The following FKBP5 variants were observed in gnomAD, a reference collection of about 807,000 sequenced individuals.
FKBP5 encodes the protein FKBP prolyl isomerase 5.
A neutral mutation model predicts 50.5 loss-of-function variants in FKBP5; 23 were observed. The ratio of observed to expected loss-of-function variants is 0.46; its 90% CI spans 0.33 to 0.65. FKBP5 has a LOEUF of 0.65. FKBP5 is among the 30% of genes least tolerant of loss of function. FKBP5 has a pLI of 0.02. For synonymous variants in FKBP5, 176 were observed against 190.6 expected (o/e 0.92, Z 0.63); for missense variants, 411 against 553.1 (o/e 0.74, Z 2.58).
chr6:35,626,921 T>C (rs1030172351), intron 3 of FKBP5, among the ~76,000 whole-genome samples: 4 of 152,252 alleles, frequency 2.6e-5, no homozygotes, highest in Admixed American at 1.3e-4. Flanking sequence ...TTGCTGTTAA[T>C]AATGCTGCTA....
At chr6:35,581,791 G>C in intron 8 of FKBP5, 6 of 985,482 alleles carry the variant, frequency 6.1e-6, no homozygotes, top group Non-Finnish European at 7.2e-6. Context: ...TGGCAGAGGA[G>C]CAGCCAGACC....
At chr6:35,582,533 G>T in intron 8 of FKBP5, 1 of 483,388 alleles carries the variant, frequency 2.1e-6, no homozygotes, top group Middle Eastern at 1.0e-3. Flanking sequence ...AGCAAGAAGG[G>T]AGCTACAAGG....
At chr6:35,593,680 G>T (rs112088730) in intron 6 of FKBP5, among the ~76,000 whole-genome samples, 3 of 151,944 alleles carry the variant, frequency 2.0e-5, no homozygotes, top group Non-Finnish European at 2.9e-5. Context: ...TCAGCCTCCC[G>T]AGTAGCCGGA....
At chr6:35,596,326 C>T (rs1433779935) in intron 6 of FKBP5, among the ~76,000 whole-genome samples, 1 of 152,028 alleles carries the variant, frequency 6.6e-6, no homozygotes, top group Non-Finnish European at 1.5e-5. Context: ...TGCACTCTAG[C>T]CTGGGTGGCA....
chr6:35,676,774 T>A (rs949011616), intron 1 of FKBP5, among the ~76,000 whole-genome samples: 10 of 152,128 alleles, frequency 6.6e-5, no homozygotes, highest in African/African-American at 2.4e-4. Flanking sequence ...AGGAGGAAAT[T>A]TTAACATTTC....
chr6:35,705,896 G>A (rs1766304579), intron 2 of FKBP5, among the ~76,000 whole-genome samples: 2 of 152,188 alleles, frequency 1.3e-5, no homozygotes, highest in Admixed American at 6.5e-5. Flanking sequence ...GATCACTTGA[G>A]GCCAGGAGTT....
chr6:35,601,707 G>A (rs1027681935), intron 5 of FKBP5, among the ~76,000 whole-genome samples: 5 of 152,238 alleles, frequency 3.3e-5, no homozygotes, highest in African/African-American at 1.2e-4. Flanking sequence ...GACTCACTGG[G>A]AGTGCAGCCT....
chr6:35,640,932 T>C (rs969286077), intron 2 of FKBP5, among the ~76,000 whole-genome samples: 2 of 152,168 alleles, frequency 1.3e-5, no homozygotes, highest in African/African-American at 2.4e-5. Context: ...ATAATAACAA[T>C]GCCTTCTTCT....
chr6:35,704,245 T>C (rs1414674896), intron 2 of FKBP5, among the ~76,000 whole-genome samples: 1 of 152,184 alleles, frequency 6.6e-6, no homozygotes, highest in Non-Finnish European at 1.5e-5. Context: ...AGAAAGGAGC[T>C]CCAGGCCCAC....
At chr6:35,597,157 C>A (rs1206154660) in intron 6 of FKBP5, 91 bp downstream of exon 6, 1 of 1,406,000 alleles carries the variant, frequency 7.1e-7, no homozygotes, top group Non-Finnish European at 9.9e-7. Flanking sequence ...GGATTAACTT[C>A]ACTGAAAATG....
intron 2 of FKBP5, among the ~76,000 whole-genome samples, chr6:35,719,235 T>C (rs1766564268): frequency 6.6e-6 from 1 of 152,238 alleles, no homozygotes; most frequent in Admixed American, 6.5e-5. Flanking sequence ...CCCTCTTCTA[T>C]GACAGCAGCT....
intron 2 of FKBP5, among the ~76,000 whole-genome samples, chr6:35,714,059 G>A (rs953535740): frequency 1.3e-5 from 2 of 151,746 alleles, no homozygotes; most frequent in African/African-American, 4.8e-5. Context: ...CTCCCTGGGG[G>A]CATAAAACCA....
At chr6:35,588,124 C>T (rs1762671425) in intron 7 of FKBP5, among the ~76,000 whole-genome samples, 1 of 151,542 alleles carries the variant, frequency 6.6e-6, no homozygotes, top group South Asian at 2.1e-4. Context: ...CTCCCGGGTT[C>T]AAGTGATTCT....
intron 8 of FKBP5, 83 bp downstream of exon 8, chr6:35,586,951 T>TCAGA: frequency 6.3e-7 from 1 of 1,595,092 alleles, no homozygotes; most frequent in Non-Finnish European, 8.6e-7. Flanking sequence ...TTGACAAAAT[T>TCAGA]CAGAGTAGGG....
chr6:35,684,002 G>C (rs1282189340), intron 1 of FKBP5, among the ~76,000 whole-genome samples: 1 of 151,976 alleles, frequency 6.6e-6, no homozygotes, highest in Non-Finnish European at 1.5e-5. Context: ...TGCAGTGAGC[G>C]GAGACTGTAC....
At chr6:35,670,743 AGAAAG>A (rs199961384) in intron 1 of FKBP5, among the ~76,000 whole-genome samples, 3,235 of 151,334 alleles carry the variant, frequency 0.021, 74 homozygotes, top group African/African-American at 0.05. Flanking sequence ...AAAAAAAAAA[AGAAAG>A]AAAAGAAAAG....
intron 5 of FKBP5, among the ~76,000 whole-genome samples, chr6:35,600,692 C>T (rs1430327909): frequency 2.0e-5 from 3 of 152,082 alleles, no homozygotes; most frequent in African/African-American, 7.2e-5. Context: ...ATCTTCCTCC[C>T]TTAAGGAGAG....
intron 1 of FKBP5, among the ~76,000 whole-genome samples, chr6:35,725,535 A>G (rs1462330986): frequency 6.6e-6 from 1 of 152,054 alleles, no homozygotes; most frequent in Non-Finnish European, 1.5e-5. Context: ...ACCCTTCTGG[A>G]GTCTAACTTC....
chr6:35,657,093 T>C (rs536997654), intron 1 of FKBP5, among the ~76,000 whole-genome samples: 354 of 149,978 alleles, frequency 2.4e-3, no homozygotes, highest in African/African-American at 7.8e-3. Context: ...CGGGCGCCTG[T>C]AGTCCCAGCT....
Sources: gnomAD v4.1 joint callset for allele counts (sites outside exome capture counted in the v4.1 genomes callset) on GRCh38, gnomAD v4.1.1 for gene constraint, MANE v1.5 for transcripts, NCBI Gene and HGNC (gene_info 2026-07-23, HGNC 2026-07-21) for gene names.